The following WNK1 variants were observed in gnomAD, a reference collection of about 807,000 sequenced individuals.
WNK1 encodes the protein WNK lysine deficient protein kinase 1, also known as serine/threonine-protein kinase WNK1.
A neutral mutation model predicts 222.8 loss-of-function variants in WNK1; 38 were observed. That is an observed-to-expected ratio of 0.17 (90% CI 0.13 to 0.22). WNK1 has a LOEUF of 0.22. WNK1 is among the 10% of genes least tolerant of loss of function. The pLI is 1.00. For missense variants in WNK1, 2,348 were observed against 2,918.4 expected (o/e 0.80, Z 4.50); for synonymous variants, 1,090 against 1,092.9 (o/e 1.00, Z 0.05).
chr12:839,093 GA>G (rs1404234417), intron 4 of WNK1, among the ~76,000 whole-genome samples: 1 of 152,200 alleles, frequency 6.6e-6, no homozygotes, highest in Non-Finnish European at 1.5e-5. Context: ...GGTACTTAAT[GA>G]AAGCATGTAA....
At chr12:780,583 A>G (rs72647391) in intron 1 of WNK1, among the ~76,000 whole-genome samples, 22 of 152,376 alleles carry the variant, frequency 1.4e-4, no homozygotes, top group African/African-American at 5.3e-4. Flanking sequence ...TGGCATGGTC[A>G]TTAATCTGGT....
intron 20 of WNK1, among the ~76,000 whole-genome samples, chr12:888,165 A>G (rs1451825300): frequency 6.6e-6 from 1 of 152,206 alleles, no homozygotes; most frequent in Non-Finnish European, 1.5e-5. Flanking sequence ...GAAATAAGAA[A>G]AACATGGTAA....
chr12:770,467 A>G (rs1830805893), intron 1 of WNK1, among the ~76,000 whole-genome samples: 1 of 152,198 alleles, frequency 6.6e-6, no homozygotes, highest in Non-Finnish European at 1.5e-5. Flanking sequence ...AAATATATTA[A>G]TCTGTTTCTT....
At position 865,180 on chromosome 12, in the gene WNK1, TC is replaced by T. The variant is rs1413368281; in HGVS notation, c.2139+2913del. The T allele has an allele frequency of 3.2e-5, 48 of 1,489,036 alleles. No individual in the cohort carries two copies. The highest frequency in any genetic ancestry group is 4.1e-5 in the Non-Finnish European group (46 of 1,122,396). The allele number at this position is 1,489,036 out of a possible 1,614,324, so 92.2% of individuals were successfully genotyped here. A position where few individuals can be genotyped will look rare whatever the true frequency, so the allele number is the denominator to read the frequency against. On this transcript the variant is annotated intron_variant, in intron 8 of 27. Transcript: ENST00000315939. Reference sequence around the variant, plus strand: ...CTGTTGCCTCTGTGTCCCGCATCTCTCCCAGTGCTCTTCCACCCCACCGCCA... The same window carrying T: ...CTGTTGCCTCTGTGTCCCGCATCTCTCCAGTGCTCTTCCACCCCACCGCCA...
rs759530304 is a variant in WNK1, at chr12:868,835, C to T, written c.2140-2430C>T. 3.7e-5 allele frequency: 60 copies of T among 1,613,904 alleles called. No individual in the cohort carries two copies. The highest frequency in any genetic ancestry group is 4.7e-5 in the Non-Finnish European group (56 of 1,179,900). The stretch of plus-strand genomic sequence containing the variant: ...AGAATTGACCGTTTCTGTGGTAGAG[C>T]CTATCGGACAGAACTGGCCAATAGG... On this transcript the variant is annotated intron_variant, in intron 8 of 27. Coordinates refer to ENST00000315939, the MANE Select transcript of WNK1 (RefSeq NM_018979.4).
At chr12:817,499 G>T (rs1409073197) in intron 2 of WNK1, among the ~76,000 whole-genome samples, 1 of 152,164 alleles carries the variant, frequency 6.6e-6, no homozygotes, top group Non-Finnish European at 1.5e-5. Context: ...ATTTGGAGAG[G>T]CAGATTGGGA....
At chr12:834,953 T>C (rs1949067428) in intron 4 of WNK1, among the ~76,000 whole-genome samples, 1 of 152,222 alleles carries the variant, frequency 6.6e-6, no homozygotes, top group Non-Finnish European at 1.5e-5. Flanking sequence ...ATATATTGTT[T>C]GTACGCGTGT....
At chr12:856,555 T>C (rs1457616350) in intron 4 of WNK1, among the ~76,000 whole-genome samples, 2 of 152,214 alleles carry the variant, frequency 1.3e-5, no homozygotes, top group Non-Finnish European at 2.9e-5. Flanking sequence ...ATAGTGGTAA[T>C]GAGTTTTCTT....
intron 4 of WNK1, among the ~76,000 whole-genome samples, chr12:839,256 A>G (rs755773305): frequency 2.0e-5 from 3 of 152,222 alleles, no homozygotes; most frequent in Non-Finnish European, 2.9e-5. Context: ...ATAAGGGACA[A>G]AAGGAAAGCT....
Position 900,510 on chromosome 12 carries a change from G to A in WNK1, c.6483G>A (p.Leu2161=), listed in dbSNP as rs773155958. ...CTGGTCAGAGTGCAGCTTCAGTCTT[G>A]CACCCCCAGCAGACCCTCCACCCTC... ...NLSGQSAASV[L]HPQQTLHPPG... The change falls in exon 26 of 28, where the codon TTG becomes TTA. Residue 2161 remains leucine, a synonymous_variant. Coordinates refer to ENST00000315939, the MANE Select transcript of WNK1 (RefSeq NM_018979.4). The A allele has an allele frequency of 5.6e-6, 9 of 1,613,982 alleles. No individual in the cohort carries two copies. In the South Asian group the frequency reaches 9.9e-5, roughly 18 times the overall value.
intron 23 of WNK1, 93 bp downstream of exon 23, chr12:894,728 C>G: frequency 1.7e-6 from 2 of 1,161,386 alleles, no homozygotes; most frequent in South Asian, 1.2e-5. Context: ...GACACAATTG[C>G]CAGTCTAGTG....
intron 6 of WNK1, 48 bp downstream of exon 6, chr12:859,512 CAATACT>C: frequency 1.4e-6 from 2 of 1,435,340 alleles, no homozygotes; most frequent in Non-Finnish European, 1.9e-6. Flanking sequence ...TTATATATAT[CAATACT>C]ATCATTAAGC....
intron 8 of WNK1, chr12:865,370 T>C: frequency 6.5e-7 from 1 of 1,532,550 alleles, no homozygotes; most frequent in Non-Finnish European, 8.7e-7. Context: ...GTACTGTATG[T>C]AACTGTAAAC....
Position 896,563 on chromosome 12 carries a change from G to A in WNK1, c.6076G>A (p.Gly2026Ser). Reference protein sequence around the residue: ...AAFLSRDVDDGSGSPHSPHQL... With the variant: ...AAFLSRDVDDSSGSPHSPHQL... ...TTTTTTAAGTAGGGATGTGGATGAT[G>A]GTTCCGGTAGTCCACACTCGCCCCA... The change falls in exon 24 of 28, where the codon GGT becomes AGT. Residue 2026 changes from glycine (G) to serine (S), a missense_variant. By Grantham distance (56) the Gly-to-Ser change is moderately conservative. Coordinates refer to ENST00000315939, the MANE Select transcript of WNK1 (RefSeq NM_018979.4). 1 of 1,612,952 alleles carries A rather than the reference G, an allele frequency of 6.2e-7. No homozygotes were observed. Among genetic ancestry groups the A allele is most frequent in the Non-Finnish European group, 8.5e-7 (1 of 1,179,704 alleles).
chr12:792,334 G>T (rs1287400389), intron 1 of WNK1, among the ~76,000 whole-genome samples: 1 of 131,528 alleles, frequency 7.6e-6, no homozygotes, highest in Admixed American at 8.2e-5. Flanking sequence ...TTTTTTTGAG[G>T]CGGAGTCTCA....
rs1298559115 is a variant in WNK1 at position 885,855 on chromosome 12, T to G, written c.5051T>G (p.Ile1684Arg). Residue 1684 changes from isoleucine to arginine, a missense_variant, in exon 19 of 28, where the codon ATA (isoleucine) becomes AGA (arginine). This residue lies in a region of WNK1 where 1,144 missense variants were observed against 1,273.6 expected (regional missense o/e 0.90). Transcript: ENST00000315939. ...ASVSLETSLV[I>R]ESTVTPGIPT... ...GTCTCACTGGAGACCTCACTAGTCA[T>G]AGAGAGCACTGTCACACCAGGCATC... 1.9e-6 allele frequency: 3 copies of G among 1,614,082 alleles called. No individual in the cohort carries two copies. The highest frequency in any genetic ancestry group is 1.3e-5 in the African/African-American group (1 of 75,040).
At chr12:775,653 G>A (rs1259218076) in intron 1 of WNK1, among the ~76,000 whole-genome samples, 1 of 152,146 alleles carries the variant, frequency 6.6e-6, no homozygotes, top group African/African-American at 2.4e-5. Context: ...TCTAGCCTGG[G>A]CAATAGAGCA....
intron 9 of WNK1, among the ~76,000 whole-genome samples, chr12:874,220 G>A (rs907984853): frequency 6.6e-6 from 1 of 152,080 alleles, no homozygotes; most frequent in Non-Finnish European, 1.5e-5. Context: ...GTTTGAACTG[G>A]TTTCATGAGG....
intron 1 of WNK1, among the ~76,000 whole-genome samples, chr12:767,188 G>A (rs534086735): frequency 7.0e-5 from 10 of 143,032 alleles, no homozygotes; most frequent in African/African-American, 2.4e-4. Context: ...AAATATGGCA[G>A]ATTTCTTAAA....
Sources: gnomAD v4.1 joint callset for allele counts (sites outside exome capture counted in the v4.1 genomes callset) on GRCh38, gnomAD v4.1.1 for gene constraint, gnomAD v4.1.1 regional missense constraint, MANE v1.5 for transcripts, NCBI Gene and HGNC (gene_info 2026-07-23, HGNC 2026-07-21) for gene names.